SSH2: variants seen among roughly 807,000 people sequenced by gnomAD.
SSH2 encodes the protein slingshot protein phosphatase 2.
In SSH2, 37 loss-of-function variants were observed where a neutral mutation model predicts 135.2. That is an observed-to-expected ratio of 0.27 (90% CI 0.21 to 0.36). The LOEUF (loss-of-function observed/expected upper bound fraction) is 0.36. Among genes scored for constraint, SSH2 ranks in the 10% least tolerant of loss-of-function variants. The probability of loss-of-function intolerance (pLI) is 1.00; values close to 1 mark genes in which losing one functional copy is unlikely to be tolerated. For missense variants in SSH2, 1,408 were observed against 1,765.3 expected, an observed-to-expected ratio of 0.80 and a Z score of 3.63; for synonymous variants, 628 against 646.2, an observed-to-expected ratio of 0.97 and a Z score of 0.43.
In SSH2 at chr17:29,930,089, T is replaced by TGC. The variant is rs1376770186; in HGVS notation, c.-91_-90dup. The TGC allele has an allele frequency of 6.7e-6, 1 of 150,246 alleles. No individual in the cohort carries two copies. Among genetic ancestry groups the TGC allele is most frequent in the Non-Finnish European group, 1.4e-5 (1 of 70,088 alleles). 9.3% of individuals were successfully genotyped at this position (150,246 alleles called of 1,614,324 possible). A position where few individuals can be genotyped will look rare whatever the true frequency, so the allele number is the denominator to read the frequency against. On this transcript the variant is annotated 5_prime_UTR_variant, in exon 1 of 16. Coordinates refer to ENST00000540801, the MANE Select transcript of SSH2 (RefSeq NM_001282129.2). ...GACGGAGCCGGGATGGGGAAAGGGG[T>TGC]GCGGGGTGGGGGTGAAGGGAACGGG... is the stretch of plus-strand genomic sequence containing the variant.
chr17:29,631,822 C>T lies in SSH2; in HGVS notation c.3372G>A (p.Leu1124=). 1 of 1,614,198 alleles carries T rather than the reference C, an allele frequency of 6.2e-7. No homozygotes were observed. Among genetic ancestry groups the T allele is most frequent in the Non-Finnish European group, 8.5e-7 (1 of 1,180,038 alleles). ...TGCTGCCTCTGTCTTCAGGGCTACT[C>T]AGGATGGAGGTTGGATGGTCAGTGG... is the stretch of plus-strand genomic sequence containing the variant. ...NRPTDHPTSI[L]SSPEDRGSSL... is the part of the protein sequence containing the mutation. The change falls in exon 16 of 16, where the codon CTG becomes CTA. Residue 1124 remains leucine, a synonymous_variant. Coordinates refer to ENST00000540801, the MANE Select transcript of SSH2 (RefSeq NM_001282129.2).
intron 2 of SSH2, among the ~76,000 whole-genome samples, chr17:29,845,394 G>A (rs2043114904): frequency 6.6e-6 from 1 of 151,758 alleles, no homozygotes; most frequent in South Asian, 2.1e-4. Context: ...AGTGAGAAAA[G>A]GGGGAAAAAA....
At chr17:29,858,053 T>A (rs1299391639) in intron 1 of SSH2, among the ~76,000 whole-genome samples, 5 of 152,230 alleles carry the variant, frequency 3.3e-5, no homozygotes, top group African/African-American at 7.2e-5. Flanking sequence ...GTAGCATGTG[T>A]CAGAATTTCC....
chr17:29,783,728 T>G (rs1226976276), intron 3 of SSH2, among the ~76,000 whole-genome samples: 1 of 152,018 alleles, frequency 6.6e-6, no homozygotes, highest in Non-Finnish European at 1.5e-5. Flanking sequence ...AAAAGGCATC[T>G]CAAAAAGCTG....
chr17:29,690,162 G>A (rs1452909700), intron 5 of SSH2, among the ~76,000 whole-genome samples: 1 of 152,040 alleles, frequency 6.6e-6, no homozygotes, highest in African/African-American at 2.4e-5. Flanking sequence ...CCAGCACTTT[G>A]GGAAGCCAAG....
intron 3 of SSH2, among the ~76,000 whole-genome samples, chr17:29,742,783 C>T (rs921692128): frequency 6.8e-6 from 1 of 147,738 alleles, no homozygotes; most frequent in Non-Finnish European, 1.5e-5. Flanking sequence ...TACAGACCTG[C>T]CCACCATGCC....
At chr17:29,878,107 TAC>T (rs2066069118) in intron 1 of SSH2, among the ~76,000 whole-genome samples, 1 of 151,902 alleles carries the variant, frequency 6.6e-6, no homozygotes, top group African/African-American at 2.4e-5. Flanking sequence ...ACAGGGTGAC[TAC>T]AGTCAATAAT....
At chr17:29,895,780 G>A (rs1423347080) in intron 1 of SSH2, among the ~76,000 whole-genome samples, 4 of 98,276 alleles carry the variant, frequency 4.1e-5, no homozygotes, top group African/African-American at 1.2e-4. Flanking sequence ...TGTATAAAAT[G>A]TATTTTATAT....
At chr17:29,647,996 T>C in intron 14 of SSH2, 148 bp downstream of exon 14, 1 of 791,462 alleles carries the variant, frequency 1.3e-6, no homozygotes, top group Non-Finnish European at 2.0e-6. Flanking sequence ...TACACTTATG[T>C]TTTGAAAACT....
chr17:29,885,348 TAA>T (rs72403205), intron 1 of SSH2, among the ~76,000 whole-genome samples: 13,712 of 127,076 alleles, frequency 0.11, 720 homozygotes, highest in Middle Eastern at 0.18. Context: ...TATTGTATCA[TAA>T]AAAAAAAAAA....
chr17:29,745,945 A>G (rs1184171155), intron 3 of SSH2, among the ~76,000 whole-genome samples: 1 of 152,238 alleles, frequency 6.6e-6, no homozygotes, highest in East Asian at 1.9e-4. Context: ...AGGTACAATA[A>G]CAAATGGCAA....
At chr17:29,879,071 A>C (rs965939548) in intron 1 of SSH2, among the ~76,000 whole-genome samples, 3 of 152,196 alleles carry the variant, frequency 2.0e-5, no homozygotes, top group African/African-American at 7.2e-5. Flanking sequence ...TTTACTTTTT[A>C]AAATGTGTCC....
intron 3 of SSH2, among the ~76,000 whole-genome samples, chr17:29,713,131 C>T (rs994464516): frequency 3.3e-5 from 5 of 151,978 alleles, no homozygotes; most frequent in Admixed American, 6.6e-5. Flanking sequence ...ATCAGGAGTT[C>T]GAGACTATCC....
chr17:29,741,330 C>A (rs984091127), intron 3 of SSH2, among the ~76,000 whole-genome samples: 1 of 152,186 alleles, frequency 6.6e-6, no homozygotes, highest in Non-Finnish European at 1.5e-5. Flanking sequence ...TTTGTCCTAG[C>A]AATCCCAGAA....
intron 3 of SSH2, among the ~76,000 whole-genome samples, chr17:29,705,896 A>G (rs572911765): frequency 3.3e-5 from 5 of 152,294 alleles, no homozygotes; most frequent in African/African-American, 1.2e-4. Context: ...CAGAATATTT[A>G]TCATAAACTA....
At chr17:29,757,590 C>T (rs2041166470) in intron 3 of SSH2, among the ~76,000 whole-genome samples, 2 of 151,776 alleles carry the variant, frequency 1.3e-5, no homozygotes, top group South Asian at 4.2e-4. Flanking sequence ...TAGCAAGTCT[C>T]TTTAAAGAAA....
intron 4 of SSH2, among the ~76,000 whole-genome samples, chr17:29,696,717 C>T (rs555529463): frequency 4.0e-5 from 6 of 150,060 alleles, no homozygotes; most frequent in East Asian, 2.0e-4. Flanking sequence ...ACAAGAGTCT[C>T]GCTCTGTCAT....
At chr17:29,870,853 T>A (rs2065926601) in intron 1 of SSH2, among the ~76,000 whole-genome samples, 1 of 152,246 alleles carries the variant, frequency 6.6e-6, no homozygotes, top group African/African-American at 2.4e-5. Flanking sequence ...AATTTCTACC[T>A]CAATACAAAA....
In SSH2 at chr17:29,929,760, G is replaced by A; in HGVS notation, c.63+178C>T. 4.8e-6 allele frequency: 3 copies of A among 618,996 alleles called. No homozygotes were observed. The South Asian group carries it at 5.6e-5, about 12-fold the overall frequency. 38.3% of individuals were successfully genotyped at this position (618,996 alleles called of 1,614,324 possible). ...CAGGGTGATGGGGGCAAAAATCAAC[G>A]TCTTGTAGTTCCTGCTGCTAGTCTT... On this transcript the variant is annotated intron_variant, in intron 1 of 15. Coordinates refer to ENST00000540801, the MANE Select transcript of SSH2 (RefSeq NM_001282129.2).
Sources: allele counts gnomAD v4.1 joint callset (sites outside exome capture counted in the v4.1 genomes callset), GRCh38; gene constraint gnomAD v4.1.1; transcripts MANE v1.5; gene names NCBI Gene and HGNC (gene_info 2026-07-23, HGNC 2026-07-21).